The following WWOX variants were observed in gnomAD, a reference collection of about 807,000 sequenced individuals.
The protein encoded by WWOX is WW domain-containing oxidoreductase.
In WWOX, 69 loss-of-function variants were observed where a neutral mutation model predicts 46.2. The observed-to-expected ratio is 1.49, with a 90% CI of 1.23 to 1.82. WWOX has a LOEUF of 1.82. WWOX is among the 40% of genes most tolerant of loss of function. The probability of loss-of-function intolerance (pLI) is 0.00; values close to 1 mark genes in which losing one functional copy is unlikely to be tolerated. For missense variants in WWOX, 919 were observed against 542.6 expected (o/e 1.69, Z -6.89); for synonymous variants, 359 against 202.6 (o/e 1.77, Z -6.56).
At chr16:78,168,945 C>T (rs188890418) in intron 5 of WWOX, among the ~76,000 whole-genome samples, 3 of 152,048 alleles carry the variant, frequency 2.0e-5, no homozygotes, top group Non-Finnish European at 4.4e-5. Flanking sequence ...AAAATGAAAA[C>T]AATTAAAACA....
intron 6 of WWOX, among the ~76,000 whole-genome samples, chr16:78,397,814 C>T (rs113015773): frequency 2.6e-5 from 4 of 152,272 alleles, no homozygotes; most frequent in South Asian, 2.1e-4. Flanking sequence ...CGTGAGCCAC[C>T]GCTCCTGGCC....
At chr16:78,192,491 CAAAA>C (rs56109773) in intron 5 of WWOX, among the ~76,000 whole-genome samples, 1 of 87,516 alleles carries the variant, frequency 1.1e-5, no homozygotes, top group Non-Finnish European at 2.2e-5. Flanking sequence ...GACTCCGTCT[CAAAA>C]AAAAAAAAAA....
chr16:78,581,134 G>A (rs1489311850), intron 8 of WWOX, among the ~76,000 whole-genome samples: 2 of 151,890 alleles, frequency 1.3e-5, no homozygotes, highest in Admixed American at 6.6e-5. Flanking sequence ...TCCTTAATGC[G>A]CAGGACATGA....
intron 6 of WWOX, among the ~76,000 whole-genome samples, chr16:78,415,995 G>A (rs1360890453): frequency 1.3e-5 from 2 of 152,172 alleles, no homozygotes; most frequent in Admixed American, 6.5e-5. Flanking sequence ...GTGGGTAGAT[G>A]AGAGCCATGT....
At chr16:78,554,011 A>G (rs770820305) in intron 8 of WWOX, among the ~76,000 whole-genome samples, 1 of 152,096 alleles carries the variant, frequency 6.6e-6, no homozygotes, top group Non-Finnish European at 1.5e-5. Context: ...AGGGCATCAA[A>G]CACGCCGTCA....
chr16:79,134,570 G>C (rs1244115415), intron 8 of WWOX, among the ~76,000 whole-genome samples: 1 of 152,136 alleles, frequency 6.6e-6, no homozygotes, highest in East Asian at 1.9e-4. Context: ...TTACTTATTA[G>C]AACTCCACAG....
intron 8 of WWOX, among the ~76,000 whole-genome samples, chr16:78,850,437 C>G (rs767057994): frequency 1.3e-5 from 2 of 152,168 alleles, no homozygotes; most frequent in African/African-American, 4.8e-5. Flanking sequence ...TAGATAAAAG[C>G]TGTCAAGTGA....
At chr16:79,169,916 T>C (rs557574435) in intron 8 of WWOX, among the ~76,000 whole-genome samples, 9 of 152,188 alleles carry the variant, frequency 5.9e-5, no homozygotes, top group Admixed American at 5.9e-4. Flanking sequence ...AAAACAACCC[T>C]CTATGTTGAT....
chr16:79,191,223 T>A, intron 8 of WWOX, among the ~76,000 whole-genome samples: 1 of 151,756 alleles, frequency 6.6e-6, no homozygotes, highest in East Asian at 1.9e-4. Context: ...CTGGCTAATT[T>A]TTTTTGTATT....
rs539588452 is a variant in WWOX, at chr16:78,806,354, C to T, written c.1056+373602C>T. Among the ~76,000 whole-genome samples the T allele has an allele frequency of 3.3e-5, 5 of 152,306 alleles. No homozygotes were observed. In the South Asian group the frequency reaches 1.0e-3, roughly 32 times the overall value. On this transcript the variant is annotated intron_variant, in intron 8 of 8. Transcript: ENST00000566780. Reference sequence around the variant, plus strand: ...TATTCCAGTAACAATTGTTGCATAACAAACCACCCCCAAATTTAGTGGCTT... The same window carrying T: ...TATTCCAGTAACAATTGTTGCATAATAAACCACCCCCAAATTTAGTGGCTT...
chr16:78,112,406 C>G (rs534333935), intron 3 of WWOX, among the ~76,000 whole-genome samples: 3 of 151,848 alleles, frequency 2.0e-5, no homozygotes, highest in South Asian at 2.1e-4. Flanking sequence ...GTTACAGTAA[C>G]AAGTTCAAAT....
chr16:78,194,652 G>T (rs1172861776), intron 5 of WWOX, among the ~76,000 whole-genome samples: 2 of 151,508 alleles, frequency 1.3e-5, no homozygotes, highest in East Asian at 3.9e-4. Flanking sequence ...AAAAATATTG[G>T]AAGACATGGC....
chr16:79,172,937 C>T (rs2050729639), intron 8 of WWOX, among the ~76,000 whole-genome samples: 2 of 152,092 alleles, frequency 1.3e-5, no homozygotes, highest in South Asian at 4.2e-4. Flanking sequence ...AGGAAGATTG[C>T]TTGAGCCTGG....
intron 8 of WWOX, among the ~76,000 whole-genome samples, chr16:78,489,372 C>G (rs2084721099): frequency 6.6e-6 from 1 of 152,068 alleles, no homozygotes. Context: ...CTTTACTTGG[C>G]CAAATATCCG....
chr16:78,115,133 A>C lies in WWOX; in HGVS notation c.388A>C (p.Thr130Pro), dbSNP rs1412480979. Residue 130 changes from threonine to proline, a missense_variant, in exon 4 of 9, where the codon ACT becomes CCT. Coordinates refer to ENST00000566780, the MANE Select transcript of WWOX (RefSeq NM_016373.4). ...RDFTGKVVVV[T>P]GANSGIGFET... ...TTTCACTGGCAAAGTGGTTGTGGTCACTGGAGCTAATTCAGGAATAGGTAG... is the reference window on the plus strand; with the variant it reads ...TTTCACTGGCAAAGTGGTTGTGGTCCCTGGAGCTAATTCAGGAATAGGTAG... 5 of 1,614,124 alleles carry C rather than the reference A, an allele frequency of 3.1e-6. No homozygotes were observed. Among genetic ancestry groups the C allele is most frequent in the Non-Finnish European group, 3.4e-6 (4 of 1,180,042 alleles).
At chr16:78,982,623 G>A (rs1391026265) in intron 8 of WWOX, among the ~76,000 whole-genome samples, 3 of 152,168 alleles carry the variant, frequency 2.0e-5, no homozygotes, top group African/African-American at 7.2e-5. Flanking sequence ...ACAGGAGCAG[G>A]CAGAGAAGGA....
intron 8 of WWOX, among the ~76,000 whole-genome samples, chr16:79,131,118 C>G (rs9646323): frequency 0.25 from 38,173 of 152,024 alleles, 5,205 homozygotes; most frequent in East Asian, 0.4. Context: ...TGGACAGACT[C>G]CATGCTGCCC....
chr16:78,337,128 A>G (rs1714328829), intron 5 of WWOX, among the ~76,000 whole-genome samples: 1 of 152,120 alleles, frequency 6.6e-6, no homozygotes, highest in Admixed American at 6.6e-5. Context: ...AAATTTTTAA[A>G]CACTCTGCAG....
chr16:78,985,272 T>A (rs889641519), intron 8 of WWOX, among the ~76,000 whole-genome samples: 11 of 152,212 alleles, frequency 7.2e-5, no homozygotes, highest in Admixed American at 5.9e-4. Context: ...TGTCACTCTG[T>A]CACAGTGCAT....
Sources: gnomAD v4.1 joint callset for allele counts (sites outside exome capture counted in the v4.1 genomes callset) on GRCh38, gnomAD v4.1.1 for gene constraint, MANE v1.5 for transcripts, NCBI Gene and HGNC (gene_info 2026-07-23, HGNC 2026-07-21) for gene names.